TLCD3B: variants seen among roughly 807,000 people sequenced by gnomAD.
TLCD3B encodes ceramide synthase.
Under a neutral mutation model 23.0 loss-of-function variants are expected in TLCD3B, and 9 were observed. The observed-to-expected ratio is 0.39, with a 90% CI of 0.24 to 0.68. TLCD3B has a LOEUF of 0.68. Among genes scored for constraint, TLCD3B ranks in the 30% least tolerant of loss-of-function variants. The pLI is 0.44. For synonymous variants in TLCD3B, 161 were observed against 161.0 expected, an observed-to-expected ratio of 1.00 and a Z score of 0.00; for missense variants, 307 against 371.8, an observed-to-expected ratio of 0.83 and a Z score of 1.43.
upstream of TLCD3B, chr16:30,035,484 G>A: frequency 7.8e-7 from 1 of 1,289,450 alleles, no homozygotes; most frequent in Non-Finnish European, 1.0e-6. Flanking sequence ...ATGCCTGCCT[G>A]CAGCCAAGAA....
chr16:30,027,230 C>T (rs986407516), intron 2 of TLCD3B: 5 of 457,572 alleles, frequency 1.1e-5, no homozygotes, highest in Middle Eastern at 6.9e-4. Flanking sequence ...GGACCAGCAA[C>T]AGCTGAAGGG....
chr16:30,026,560 C>T, intron 3 of TLCD3B, 49 bp downstream of exon 3: 1 of 1,540,616 alleles, frequency 6.5e-7, no homozygotes, highest in Non-Finnish European at 8.9e-7. Context: ...CCAGCAGGAC[C>T]AAGGAGCAGG....
rs976302721 is a variant in TLCD3B at position 30,026,729 on chromosome 16, G to A, written c.324C>T (p.Asp108=). The A allele has an allele frequency of 1.1e-5, 17 of 1,613,940 alleles. No individual in the cohort carries two copies. Among genetic ancestry groups the A allele is most frequent in the Admixed American group, 3.3e-5 (2 of 59,994 alleles). The change falls in exon 3 of 5, where the codon GAC becomes GAT. Residue 108 remains aspartate, a synonymous_variant. Transcript: ENST00000380495. ...HKHQVKGHGG[D]DGAARAPGST... is the part of the protein sequence containing the mutation. ...TGCCCGGGGCTCTGGCCGCTCCGTCGTCCCCTCCATGCCCTTTGACCTGGT... is the reference window on the plus strand; with the variant it reads ...TGCCCGGGGCTCTGGCCGCTCCGTCATCCCCTCCATGCCCTTTGACCTGGT...
chr16:30,034,410 C>CAAAAA (rs34825633), upstream of TLCD3B, among the ~76,000 whole-genome samples: 12 of 116,034 alleles, frequency 1.0e-4, no homozygotes, highest in East Asian at 2.8e-3. Context: ...CTGTCTCTAC[C>CAAAAA]AAAAAAAAAA....
intron 2 of TLCD3B, among the ~76,000 whole-genome samples, chr16:30,044,376 C>T (rs753061218): frequency 1.1e-4 from 17 of 151,960 alleles, no homozygotes; most frequent in Non-Finnish European, 1.9e-4. Flanking sequence ...GGTGCGATCT[C>T]GGCTCACTGC....
At position 30,024,638 on chromosome 16, in the gene TLCD3B, T is replaced by C; in HGVS notation, c.*545A>G. On this transcript the variant is annotated 3_prime_UTR_variant, in exon 5 of 5. Transcript: ENST00000380495. Reference sequence around the variant, plus strand: ...GGAAGGCTTGGGGGTAGCAGCCACCTCCTTCCCCCAACCCAACAGACTAGT... The same window carrying C: ...GGAAGGCTTGGGGGTAGCAGCCACCCCCTTCCCCCAACCCAACAGACTAGT... The C allele has an allele frequency of 4.2e-6, 1 of 235,582 alleles. No individual in the cohort carries two copies. 14.6% of individuals were successfully genotyped at this position (235,582 alleles called of 1,614,324 possible).
chr16:30,027,300 G>A, intron 2 of TLCD3B: 1 of 400,094 alleles, frequency 2.5e-6, no homozygotes, highest in Non-Finnish European at 5.0e-6. Flanking sequence ...TCCTGGGACA[G>A]GCGATCTTCC....
At chr16:30,034,130 A>C (rs1287975914), upstream of TLCD3B, among the ~76,000 whole-genome samples, 1 of 151,086 alleles carries the variant, frequency 6.6e-6, no homozygotes, top group East Asian at 2.0e-4. Context: ...AAAATTAGCC[A>C]GGCATGGTGG....
chr16:30,042,099 A>G (rs976192438), intron 2 of TLCD3B, among the ~76,000 whole-genome samples: 1 of 152,074 alleles, frequency 6.6e-6, no homozygotes, highest in African/African-American at 2.4e-5. Context: ...ATTTATGTCT[A>G]TTTACATATA....
At chr16:30,044,924 C>T (rs891548522) in intron 2 of TLCD3B, among the ~76,000 whole-genome samples, 3 of 151,502 alleles carry the variant, frequency 2.0e-5, no homozygotes, top group African/African-American at 7.3e-5. Context: ...GTAACCCCAT[C>T]TCTACTAAAA....
intron 2 of TLCD3B, among the ~76,000 whole-genome samples, chr16:30,045,092 CAA>C (rs1162281544): frequency 4.5e-5 from 1 of 22,226 alleles, no homozygotes; most frequent in African/African-American, 2.1e-4. Flanking sequence ...GACTCCATCT[CAA>C]AAAAAAAAAA....
chr16:30,050,987 A>G (rs866435954), intron 1 of TLCD3B, among the ~76,000 whole-genome samples: 7 of 152,074 alleles, frequency 4.6e-5, no homozygotes, highest in Admixed American at 3.3e-4. Context: ...TGTGATCTAA[A>G]AAGGTTAGGA....
Position 30,029,534 on chromosome 16 carries a change from C to T in TLCD3B, c.126-19G>A, listed in dbSNP as rs1043236194. The T allele has an allele frequency of 3.8e-5, 61 of 1,604,978 alleles. No individual in the cohort carries two copies. Among genetic ancestry groups the T allele is most frequent in the Non-Finnish European group, 5.1e-5 (60 of 1,172,758 alleles). ...CACCAGCCTGGGGGAGAGAGGGAGGCGTGCTAGAAAGGCAGAAGGGAAGAG... is the reference window on the plus strand; with the variant it reads ...CACCAGCCTGGGGGAGAGAGGGAGGTGTGCTAGAAAGGCAGAAGGGAAGAG... On this transcript the variant is annotated intron_variant, in intron 1 of 4. Coordinates refer to ENST00000380495, the MANE Select transcript of TLCD3B (RefSeq NM_031478.6). The surrounding 1 kb of genome is among the most constrained non-coding windows in gnomAD (Gnocchi z 4.6).
chr16:30,043,255 T>C (rs2071605343), intron 2 of TLCD3B, among the ~76,000 whole-genome samples: 1 of 152,178 alleles, frequency 6.6e-6, no homozygotes, highest in Admixed American at 6.6e-5. Flanking sequence ...ACGGGGTCTC[T>C]CATTTTGTCT....
At position 30,025,488 on chromosome 16, in the gene TLCD3B, T is replaced by C; in HGVS notation, c.541-21A>G. The C allele has an allele frequency of 6.2e-7, 1 of 1,609,990 alleles. No individual in the cohort carries two copies. Among genetic ancestry groups the C allele is most frequent in the Non-Finnish European group, 8.5e-7 (1 of 1,178,572 alleles). On this transcript the variant is annotated intron_variant, in intron 4 of 4. Coordinates refer to ENST00000380495, the MANE Select transcript of TLCD3B (RefSeq NM_031478.6). This position sits in a 1 kb window ranked among gnomAD's most constrained non-coding sequence, Gnocchi z 4.1. ...TTGTACTGAGGAGACACAGACACAG[T>C]GGCCACGGCAGCAGAAGGGCTCGGC...
Position 30,026,712 on chromosome 16 carries a change from G to T in TLCD3B, c.341C>A (p.Ala114Asp), listed in dbSNP as rs763015790. ...GHGGDDGAAR[A>D]PGSTWAIARG... is the part of the protein sequence containing the mutation. ...CGCTATGGCCCACGTGCTGCCCGGG[G>T]CTCTGGCCGCTCCGTCGTCCCCTCC... The change falls in exon 3 of 5, where the codon GCC (alanine) becomes GAC (aspartate). Residue 114 changes from alanine to aspartate, a missense_variant. Coordinates refer to ENST00000380495, the MANE Select transcript of TLCD3B (RefSeq NM_031478.6). 11 of 1,613,996 alleles carry T rather than the reference G, an allele frequency of 6.8e-6. No individual in the cohort carries two copies. The highest frequency in any genetic ancestry group is 9.3e-6 in the Non-Finnish European group (11 of 1,180,026).
upstream of TLCD3B, chr16:30,032,890 C>T (rs140144372): frequency 3.9e-4 from 59 of 152,218 alleles, no homozygotes; most frequent in Middle Eastern, 3.4e-3. Context: ...TCAAGCGATC[C>T]ACCCACCTCT....
chr16:30,042,249 A>T (rs938841261), intron 2 of TLCD3B, among the ~76,000 whole-genome samples: 3 of 150,964 alleles, frequency 2.0e-5, no homozygotes, highest in African/African-American at 7.3e-5. Flanking sequence ...ATTTTATTTT[A>T]TTTTTTTCAG....
intron 1 of TLCD3B, among the ~76,000 whole-genome samples, chr16:30,050,260 C>T (rs75328841): frequency 6.7e-3 from 1,016 of 152,280 alleles, no homozygotes; most frequent in Admixed American, 8.8e-3. Context: ...CGCCCAAGGC[C>T]GGGCACAGTG....
Sources: allele counts gnomAD v4.1 joint callset (sites outside exome capture counted in the v4.1 genomes callset), GRCh38; gene constraint gnomAD v4.1.1; non-coding constraint Gnocchi (gnomAD v3.1); transcripts MANE v1.5; gene names NCBI Gene and HGNC (gene_info 2026-07-23, HGNC 2026-07-21).